FOXP2: variants seen among roughly 807,000 people sequenced by gnomAD.
The protein encoded by FOXP2 is forkhead box protein P2.
Under a neutral mutation model 115.8 loss-of-function variants are expected in FOXP2, and 12 were observed. The ratio of observed to expected loss-of-function variants is 0.10; its 90% CI spans 0.07 to 0.17. The LOEUF is 0.17. FOXP2 is among the 10% of genes least tolerant of loss of function. The pLI, the probability that FOXP2 is intolerant of heterozygous loss-of-function variation, is 1.00. For missense variants in FOXP2, 629 were observed against 843.5 expected, an observed-to-expected ratio of 0.75 and a Z score of 3.15; for synonymous variants, 328 against 297.7, an observed-to-expected ratio of 1.10 and a Z score of -1.05.
chr7:114,175,408 C>T (rs1793262684), intron 1 of FOXP2, among the ~76,000 whole-genome samples: 1 of 151,986 alleles, frequency 6.6e-6, no homozygotes, highest in Non-Finnish European at 1.5e-5. Flanking sequence ...TTTGTTATAG[C>T]CATGGGTAAC....
At chr7:114,657,736 G>T (rs1371358257) in intron 10 of FOXP2, among the ~76,000 whole-genome samples, 1 of 152,132 alleles carries the variant, frequency 6.6e-6, no homozygotes, top group Admixed American at 6.5e-5. Flanking sequence ...TTCACTGGGG[G>T]CTAGACCTGT....
intron 1 of FOXP2, among the ~76,000 whole-genome samples, chr7:114,275,107 T>A (rs778766016): frequency 3.9e-5 from 6 of 152,066 alleles, no homozygotes; most frequent in Non-Finnish European, 7.4e-5. Flanking sequence ...TCTTTGAGTA[T>A]CTGTAGTTTG....
At chr7:114,492,326 C>T (rs1462014915) in intron 2 of FOXP2, among the ~76,000 whole-genome samples, 4 of 151,892 alleles carry the variant, frequency 2.6e-5, no homozygotes. Flanking sequence ...GTCTCGCTAG[C>T]GGTCTATCAA....
At position 114,204,930 on chromosome 7, in the gene FOXP2, AAT is replaced by A. The variant is rs1485227756; in HGVS notation, c.-102+41843_-102+41844del. Among the ~76,000 whole-genome samples the A allele has an allele frequency of 1.2e-3, 184 of 151,872 alleles. 1 individual carries two copies. The highest frequency in any genetic ancestry group is 4.3e-3 in the African/African-American group (179 of 41,418). ...TTGTGTGTGCCAAAAAAAAAAAAAA[AAT>A]CATTGAAAAGATCTTTTCTTTGGAG... On this transcript the variant is annotated intron_variant, in intron 1 of 17. Transcript: ENST00000634411.
intron 6 of FOXP2, among the ~76,000 whole-genome samples, chr7:114,640,313 A>G (rs528821642): frequency 1.4e-4 from 21 of 152,194 alleles, no homozygotes; most frequent in African/African-American, 3.8e-4. Context: ...TTCTTTTTTT[A>G]TGGAAAAAAA....
At chr7:114,402,989 T>C (rs1013788592) in intron 2 of FOXP2, among the ~76,000 whole-genome samples, 4 of 152,134 alleles carry the variant, frequency 2.6e-5, no homozygotes, top group Non-Finnish European at 5.9e-5. Context: ...CTCTACACCT[T>C]ACCAGCTACA....
chr7:114,560,648 T>C (rs983021974), intron 3 of FOXP2, among the ~76,000 whole-genome samples: 1 of 152,036 alleles, frequency 6.6e-6, no homozygotes, highest in Non-Finnish European at 1.5e-5. Context: ...ACTGAAATTA[T>C]AATAGCAATT....
chr7:114,286,864 C>T (rs1294092393), intron 1 of FOXP2, among the ~76,000 whole-genome samples: 1 of 151,948 alleles, frequency 6.6e-6, no homozygotes, highest in Non-Finnish European at 1.5e-5. Flanking sequence ...AACCAGAATA[C>T]GTGATTGTTA....
At chr7:114,480,741 G>C (rs534837197) in intron 2 of FOXP2, among the ~76,000 whole-genome samples, 1 of 149,856 alleles carries the variant, frequency 6.7e-6, no homozygotes, top group South Asian at 2.1e-4. Flanking sequence ...GTATATATGT[G>C]TATGTATGTA....
intron 2 of FOXP2, among the ~76,000 whole-genome samples, chr7:114,487,785 A>G (rs756802828): frequency 4.4e-4 from 67 of 152,150 alleles, no homozygotes; most frequent in South Asian, 8.3e-4. Flanking sequence ...ATCTGAGACC[A>G]CATCACCCTG....
intron 1 of FOXP2, among the ~76,000 whole-genome samples, chr7:114,269,863 T>C (rs1338685941): frequency 3.9e-5 from 6 of 152,170 alleles, no homozygotes; most frequent in Non-Finnish European, 1.5e-5. Context: ...GAGCTCTATG[T>C]TTGCAAAGTA....
chr7:114,118,897 A>T (rs1384311813), intron 1 of FOXP2, among the ~76,000 whole-genome samples: 1 of 152,136 alleles, frequency 6.6e-6, no homozygotes, highest in Non-Finnish European at 1.5e-5. Flanking sequence ...GAGAACCCTG[A>T]ATTGTTCAAC....
chr7:114,592,683 T>C (rs2129308812), intron 3 of FOXP2, among the ~76,000 whole-genome samples: 1 of 152,184 alleles, frequency 6.6e-6, no homozygotes, highest in Middle Eastern at 3.4e-3. Context: ...ATTCTACATT[T>C]AAGGATATAT....
intron 2 of FOXP2, among the ~76,000 whole-genome samples, chr7:114,316,446 C>T (rs547467187): frequency 2.0e-5 from 3 of 152,270 alleles, no homozygotes; most frequent in East Asian, 3.9e-4. Flanking sequence ...GGTATAGTCC[C>T]TACTTTCATT....
intron 3 of FOXP2, among the ~76,000 whole-genome samples, chr7:114,556,828 T>G (rs1335902124): frequency 6.6e-6 from 1 of 152,196 alleles, no homozygotes; most frequent in Non-Finnish European, 1.5e-5. Flanking sequence ...AGTTTATTGC[T>G]TAAAAGTATA....
chr7:114,628,279 G>A (rs980589850), intron 3 of FOXP2, among the ~76,000 whole-genome samples: 2 of 152,032 alleles, frequency 1.3e-5, no homozygotes, highest in Non-Finnish European at 2.9e-5. Flanking sequence ...TATTATAGCC[G>A]AAATTCAAAT....
intron 2 of FOXP2, among the ~76,000 whole-genome samples, chr7:114,458,357 A>G (rs539199351): frequency 7.9e-5 from 12 of 152,006 alleles, no homozygotes; most frequent in African/African-American, 2.2e-4. Flanking sequence ...CATGGGAGTA[A>G]TGTTATTCTT....
At chr7:114,276,921 A>C (rs1303154201) in intron 1 of FOXP2, among the ~76,000 whole-genome samples, 1 of 152,204 alleles carries the variant, frequency 6.6e-6, no homozygotes, top group East Asian at 1.9e-4. Context: ...CATCTCAATA[A>C]AACTTTATTA....
chr7:114,307,583 CA>C (rs1797046008), intron 2 of FOXP2, among the ~76,000 whole-genome samples: 1 of 152,114 alleles, frequency 6.6e-6, no homozygotes, highest in Non-Finnish European at 1.5e-5. Context: ...GATGCATTAC[CA>C]AACTTTATTT....
Sources: gnomAD v4.1 joint callset for allele counts (sites outside exome capture counted in the v4.1 genomes callset) on GRCh38, gnomAD v4.1.1 for gene constraint, MANE v1.5 for transcripts, NCBI Gene and HGNC (gene_info 2026-07-23, HGNC 2026-07-21) for gene names.